Variants in EPHA10 observed in about 807,000 individuals in gnomAD.
The protein encoded by EPHA10 is ephrin type-A receptor 10.
In EPHA10, 120 loss-of-function variants were observed where a neutral mutation model predicts 109.7. The ratio of observed to expected loss-of-function variants is 1.09; its 90% CI spans 0.94 to 1.27. The LOEUF is 1.27. Among genes scored for constraint, EPHA10 ranks in the 50% most tolerant of loss-of-function variants. EPHA10 has a pLI of 0.00. For missense variants in EPHA10, 1,396 were observed against 1,411.1 expected, an observed-to-expected ratio of 0.99 and a Z score of 0.17; for synonymous variants, 640 against 618.9, an observed-to-expected ratio of 1.03 and a Z score of -0.51.
intron 5 of EPHA10, among the ~76,000 whole-genome samples, chr1:37,740,585 G>A (rs190078621): frequency 2.0e-5 from 3 of 152,260 alleles, no homozygotes; most frequent in Admixed American, 6.5e-5. Context: ...GATTACGGGC[G>A]TGAGCCACCG....
Position 37,723,338 on chromosome 1 carries a change from G to A in EPHA10, c.1807C>T (p.His603Tyr), listed in dbSNP as rs752570966. 6.2e-7 allele frequency: 1 copy of A among 1,614,184 alleles called. No individual in the cohort carries two copies. Among genetic ancestry groups the A allele is most frequent in the Admixed American group, 1.7e-5 (1 of 60,024 alleles). The change falls in exon 9 of 17, where the codon CAT (histidine) becomes TAT (tyrosine). Residue 603 changes from histidine (H) to tyrosine (Y), a missense_variant. By Grantham distance (83) the His-to-Tyr change is moderately conservative (BLOSUM62 2). Transcript: ENST00000373048. ...TGGAAATACAGCTCCTCTTCATCATGGGCATCCCCTCCTCCTTTGCCATAG... is the reference window on the plus strand; with the variant it reads ...TGGAAATACAGCTCCTCTTCATCATAGGCATCCCCTCCTCCTTTGCCATAG... ...CSYGKGGGDA[H>Y]DEEELYFHFK...
chr1:37,719,570 G>T lies in EPHA10; in HGVS notation c.2600C>A (p.Pro867His), dbSNP rs763651960. Residue 867 changes from proline to histidine, a missense_variant, in exon 15 of 17, where the codon CCC (proline) becomes CAC (histidine). Transcript: ENST00000373048. ...CAGAAGGTTAGGACAGTTCCTGGGG[G>T]GTGGCAGCCGGAAGCCATCCTCCAC... ...KAVEDGFRLP[P>H]PRNCPNLLHR... 5 of 1,613,798 alleles carry T rather than the reference G, an allele frequency of 3.1e-6. No homozygotes were observed. In the South Asian group the frequency reaches 4.4e-5, roughly 14 times the overall value.
At chr1:37,720,583 C>T in intron 12 of EPHA10, 29 bp from the exon 13 acceptor site, 1 of 1,590,928 alleles carries the variant, frequency 6.3e-7, no homozygotes, top group South Asian at 1.1e-5. Context: ...GAGGCCAGGG[C>T]TGTGCGCTTG....
At position 37,761,794 on chromosome 1, in the gene EPHA10, G is replaced by C. The variant is rs370728811; in HGVS notation, c.461C>G (p.Thr154Arg). 6.8e-6 allele frequency: 11 copies of C among 1,613,694 alleles called. No homozygotes were observed. Among genetic ancestry groups the C allele is most frequent in the Admixed American group, 1.7e-5 (1 of 59,998 alleles). Reference protein sequence around the residue: ...LGGSRPRKIDTIAADESFTQG... With the variant: ...LGGSRPRKIDRIAADESFTQG... ...CGTGAAGCTCTCGTCCGCCGCGATCGTGTCGATTTTGCGGGGCCGGCTGCC... is the reference window on the plus strand; with the variant it reads ...CGTGAAGCTCTCGTCCGCCGCGATCCTGTCGATTTTGCGGGGCCGGCTGCC... Residue 154 changes from threonine (T) to arginine (R), a missense_variant, in exon 3 of 17, where the codon ACG becomes AGG. By Grantham distance (71) the Thr-to-Arg change is moderately conservative. Coordinates refer to ENST00000373048, the MANE Select transcript of EPHA10 (RefSeq NM_001099439.2).
chr1:37,719,968 T>C lies in EPHA10; in HGVS notation c.2503A>G (p.Ile835Val). The change falls in exon 14 of 17, where the codon ATC (isoleucine) becomes GTC (valine). Residue 835 changes from isoleucine (I) to valine (V), a missense_variant. Ile to Val is a conservative substitution (Grantham distance 29). Coordinates refer to ENST00000373048, the MANE Select transcript of EPHA10 (RefSeq NM_001099439.2). ...SASDVWSFGI[I>V]MWEVMAFGER... is the part of the protein sequence containing the mutation. ...CCAAAGGCCATCACCTCCCACATGA[T>C]GATGCCGAAGCTCCACACGTCACTG... The C allele has an allele frequency of 6.2e-7, 1 of 1,614,076 alleles. No homozygotes were observed. The highest frequency in any genetic ancestry group is 8.5e-7 in the Non-Finnish European group (1 of 1,180,032).
At chr1:37,715,908 A>C (rs1250416567), downstream of EPHA10, 1 of 565,356 alleles carries the variant, frequency 1.8e-6, no homozygotes, top group Admixed American at 1.9e-5. Context: ...TCCTCGAGGA[A>C]GGGGGCAGAA....
chr1:37,720,143 C>T, intron 13 of EPHA10, 85 bp from the exon 14 acceptor site: 1 of 1,540,690 alleles, frequency 6.5e-7, no homozygotes, highest in South Asian at 1.2e-5. Flanking sequence ...ATCCAGCCTG[C>T]ATGTCATCCT....
intron 3 of EPHA10, chr1:37,760,390 C>T (rs1046333753): frequency 9.5e-7 from 1 of 1,055,140 alleles, no homozygotes; most frequent in Non-Finnish European, 1.1e-6. Flanking sequence ...TTCCTAATGC[C>T]CCCACTAGCC....
rs370394023 is a variant in EPHA10 at position 37,734,128 on chromosome 1, GGAGT to G, written c.1491+1125_1491+1128del. 8.5e-5 allele frequency among the ~76,000 whole-genome samples: 13 copies of G among 152,348 alleles called. No homozygotes were observed. The South Asian group carries it at 2.7e-3, about 32-fold the overall frequency. On this transcript the variant is annotated intron_variant, in intron 6 of 16. Coordinates refer to ENST00000373048, the MANE Select transcript of EPHA10 (RefSeq NM_001099439.2). ...GCAAAGGAGTCCCTCATGTCATTGA[GGAGT>G]GAGTGAAGTTCTGACACATGTAGAA...
At chr1:37,719,011 C>T in intron 15 of EPHA10, 195 bp from the exon 16 acceptor site, 1 of 709,118 alleles carries the variant, frequency 1.4e-6, no homozygotes, top group Non-Finnish European at 2.3e-6. Context: ...CAGGTGGAGG[C>T]AGAGCCAGCG....
At chr1:37,734,362 C>A (rs769066592) in intron 6 of EPHA10, among the ~76,000 whole-genome samples, 1 of 152,114 alleles carries the variant, frequency 6.6e-6, no homozygotes, top group Non-Finnish European at 1.5e-5. Context: ...GATGAAACCT[C>A]GTCTCTACTA....
chr1:37,720,001 T>C lies in EPHA10; in HGVS notation c.2470A>G (p.Ser824Gly). The C allele has an allele frequency of 6.2e-7, 1 of 1,613,988 alleles. No homozygotes were observed. Among genetic ancestry groups the C allele is most frequent in the Non-Finnish European group, 8.5e-7 (1 of 1,180,020 alleles). The change falls in exon 14 of 17, where the codon AGC becomes GGC. Residue 824 changes from serine (S) to glycine (G), a missense_variant. Ser to Gly is a moderately conservative substitution (Grantham distance 56). Coordinates refer to ENST00000373048, the MANE Select transcript of EPHA10 (RefSeq NM_001099439.2). ...APETLQFGHF[S>G]SASDVWSFGI... is the part of the protein sequence containing the mutation. The stretch of plus-strand genomic sequence containing the variant: ...AAGCTCCACACGTCACTGGCAGAGC[T>C]GAAGTGGCCAAACTGAAGTGTCTCG...
Position 37,727,130 on chromosome 1 carries a change from CG to C in EPHA10, c.1743del (p.Val582Ter), listed in dbSNP as rs764736071. ...VTISALLVLG[S>X]VMSVLAIWRR... ...CTCCAAATGGCCAGCACACTCATCACGGAGCCCAGGACGAGGAGGGCCGAGA... is the reference window on the plus strand; with the variant it reads ...CTCCAAATGGCCAGCACACTCATCACGAGCCCAGGACGAGGAGGGCCGAGA... On this transcript the variant is annotated frameshift_variant, in exon 8 of 17. Coordinates refer to ENST00000373048, the MANE Select transcript of EPHA10 (RefSeq NM_001099439.2). LOFTEE classifies it high-confidence loss of function. The C allele has an allele frequency of 6.2e-7, 1 of 1,612,102 alleles. No individual in the cohort carries two copies. The highest frequency in any genetic ancestry group is 8.5e-7 in the Non-Finnish European group (1 of 1,179,078).
chr1:37,723,398 T>C (rs778063822), intron 8 of EPHA10, 26 bp from the exon 9 acceptor site: 2 of 1,612,816 alleles, frequency 1.2e-6, no homozygotes, highest in East Asian at 4.5e-5. Flanking sequence ...GGGTCATTCT[T>C]TCAGCCAGGC....
chr1:37,733,094 T>C (rs1219257572), intron 6 of EPHA10, among the ~76,000 whole-genome samples: 1 of 151,566 alleles, frequency 6.6e-6, no homozygotes, highest in Non-Finnish European at 1.5e-5. Context: ...GGTTTCGCCA[T>C]GTTAGCCAGG....
intron 5 of EPHA10, among the ~76,000 whole-genome samples, chr1:37,748,540 C>CA (rs1165286423): frequency 6.6e-6 from 1 of 151,916 alleles, no homozygotes; most frequent in African/African-American, 2.4e-5. Flanking sequence ...CCCATAGTGC[C>CA]AAAACTTGAC....
At position 37,717,918 on chromosome 1, in the gene EPHA10, G is replaced by A. The variant is rs555691119; in HGVS notation, c.*454C>T. The A allele has an allele frequency of 1.2e-5, 3 of 241,394 alleles. No homozygotes were observed. In the South Asian group the frequency reaches 4.6e-4, roughly 37 times the overall value. 15.0% of individuals were successfully genotyped at this position (241,394 alleles called of 1,614,324 possible). A position where few individuals can be genotyped will look rare whatever the true frequency, so the allele number is the denominator to read the frequency against. On this transcript the variant is annotated 3_prime_UTR_variant, in exon 17 of 17. Transcript: ENST00000373048. Reference sequence around the variant, plus strand: ...CACCAGGCAGCTGCAGTCACTGCCAGGTAGAAGAAGACCCCCCCAGGACCC... The same window carrying A: ...CACCAGGCAGCTGCAGTCACTGCCAAGTAGAAGAAGACCCCCCCAGGACCC...
chr1:37,727,005 C>T (rs1645902799), intron 8 of EPHA10, 97 bp downstream of exon 8: 12 of 915,468 alleles, frequency 1.3e-5, no homozygotes, highest in South Asian at 1.3e-4. Context: ...TGCAAATCTG[C>T]GTGTGTGCAA....
rs950540647 is a variant in EPHA10, at chr1:37,719,013, G to A, written c.2757-197C>T. The stretch of plus-strand genomic sequence containing the variant: ...CAGGTTCTTCAGGCAGGTGGAGGCA[G>A]AGCCAGCGCCAGCTAAAGGTATTGG... On this transcript the variant is annotated intron_variant, in intron 15 of 16. Transcript: ENST00000373048. 3.0e-5 allele frequency: 21 copies of A among 700,840 alleles called. No homozygotes were observed. The Admixed American group carries it at 5.9e-4, about 20-fold the overall frequency. The allele number at this position is 700,840 out of a possible 1,614,324, so 43.4% of individuals were successfully genotyped here. A position where few individuals can be genotyped will look rare whatever the true frequency, so the allele number is the denominator to read the frequency against.
Sources: allele counts gnomAD v4.1 joint callset (sites outside exome capture counted in the v4.1 genomes callset), GRCh38; gene constraint gnomAD v4.1.1; transcripts MANE v1.5; gene names NCBI Gene and HGNC (gene_info 2026-07-23, HGNC 2026-07-21).